FBXL13: variants seen among roughly 807,000 people sequenced by gnomAD.
FBXL13 encodes F-box and leucine-rich repeat protein 13.
Under a neutral mutation model 83.6 loss-of-function variants are expected in FBXL13, and 67 were observed. That is an observed-to-expected ratio of 0.80 (90% CI 0.66 to 0.98). The LOEUF (loss-of-function observed/expected upper bound fraction) is 0.98. FBXL13 is among the 50% of genes least tolerant of loss of function. The probability of loss-of-function intolerance (pLI) is 0.00; values close to 1 mark genes in which losing one functional copy is unlikely to be tolerated. For missense variants in FBXL13, 822 were observed against 866.5 expected, an observed-to-expected ratio of 0.95 and a Z score of 0.64; for synonymous variants, 272 against 299.5, an observed-to-expected ratio of 0.91 and a Z score of 0.95.
intron 19 of FBXL13, among the ~76,000 whole-genome samples, chr7:102,818,214 G>A (rs1798269074): frequency 1.3e-5 from 2 of 152,196 alleles, no homozygotes; most frequent in Admixed American, 1.3e-4. Context: ...CAGAGCACGT[G>A]TCTACCCTTA....
intron 8 of FBXL13, among the ~76,000 whole-genome samples, chr7:102,947,976 T>G (rs551831299): frequency 6.6e-6 from 1 of 152,164 alleles, no homozygotes; most frequent in African/African-American, 2.4e-5. Context: ...CTGGAGCCTA[T>G]GCCCTGGATC....
At chr7:102,973,867 C>A in intron 6 of FBXL13, 1 of 693,972 alleles carries the variant, frequency 1.4e-6, no homozygotes, top group African/African-American at 1.8e-5. Flanking sequence ...AAGAAGGCTC[C>A]GACGTGTGCC....
chr7:102,915,843 T>C (rs1319907695), intron 10 of FBXL13, among the ~76,000 whole-genome samples: 1 of 152,202 alleles, frequency 6.6e-6, no homozygotes, highest in African/African-American at 2.4e-5. Flanking sequence ...CAGTGATATT[T>C]TGAAATACTT....
At position 102,829,535 on chromosome 7, in the gene FBXL13, C is replaced by T. The variant is rs149107667; in HGVS notation, c.1854+3305G>A. On this transcript the variant is annotated intron_variant, in intron 18 of 19. Coordinates refer to ENST00000313221, the Ensembl canonical transcript of FBXL13. ...CTAATCATTACTAACTCCCACTTCA[C>T]GTCGGTCATGAGGGTCAAAAGTGAC... Among the ~76,000 whole-genome samples, 654 of 152,288 alleles carry T rather than the reference C, an allele frequency of 4.3e-3. 6 individuals carry two copies. The highest frequency in any genetic ancestry group is 0.015 in the African/African-American group (626 of 41,576).
intron 11 of FBXL13, among the ~76,000 whole-genome samples, chr7:102,905,614 A>G (rs1813632560): frequency 6.6e-6 from 1 of 152,110 alleles, no homozygotes; most frequent in Non-Finnish European, 1.5e-5. Context: ...TACATTCAAT[A>G]TTATTATTGA....
intron 14 of FBXL13, among the ~76,000 whole-genome samples, 197 bp from the exon 16 acceptor site, chr7:102,878,647 GGGA>G (rs1472675198): frequency 6.6e-6 from 1 of 151,726 alleles, no homozygotes; most frequent in Non-Finnish European, 1.5e-5. Flanking sequence ...TGAGAGGAAT[GGGA>G]GAAGTATTAA....
chr7:102,820,669 A>G (rs1382634633), intron 19 of FBXL13, among the ~76,000 whole-genome samples: 3 of 152,202 alleles, frequency 2.0e-5, no homozygotes, highest in Non-Finnish European at 4.4e-5. Flanking sequence ...AAAGAAATTT[A>G]TTGCTCATAG....
chr7:103,025,037 A>G, intron 6 of FBXL13, 26 bp downstream of exon 7: 1 of 1,574,012 alleles, frequency 6.4e-7, no homozygotes. Flanking sequence ...ATTATAGTAT[A>G]TAATGTATAC....
At chr7:102,910,653 T>C (rs1486319835) in intron 11 of FBXL13, among the ~76,000 whole-genome samples, 1 of 152,134 alleles carries the variant, frequency 6.6e-6, no homozygotes, top group Non-Finnish European at 1.5e-5. Flanking sequence ...GAGGTCTCTG[T>C]CCTGTTAGTA....
At chr7:102,970,350 A>T (rs12671803) in intron 6 of FBXL13, among the ~76,000 whole-genome samples, 31,734 of 151,906 alleles carry the variant, frequency 0.21, 3,564 homozygotes, top group East Asian at 0.42. Context: ...ATTTTTTTTA[A>T]AAAAATGAAT....
At chr7:103,036,220 A>G (rs138613403) in intron 2 of FBXL13, among the ~76,000 whole-genome samples, 1,672 of 152,252 alleles carry the variant, frequency 0.011, 35 homozygotes, top group African/African-American at 0.039. Flanking sequence ...TTTCTTCCAC[A>G]AAACCAGTCT....
chr7:103,056,489 G>C (rs948186441), intron 1 of FBXL13, among the ~76,000 whole-genome samples: 2 of 151,894 alleles, frequency 1.3e-5, no homozygotes, highest in African/African-American at 2.4e-5. Context: ...GCAGAGTCTT[G>C]CTCTTGTCGC....
intron 6 of FBXL13, among the ~76,000 whole-genome samples, chr7:103,001,496 A>C (rs1790399112): frequency 6.6e-6 from 1 of 152,130 alleles, no homozygotes; most frequent in Non-Finnish European, 1.5e-5. Flanking sequence ...CTGGTAAAGT[A>C]TTGTTTCTAA....
intron 11 of FBXL13, among the ~76,000 whole-genome samples, chr7:102,898,194 G>A (rs183512690): frequency 6.6e-6 from 1 of 151,904 alleles, no homozygotes; most frequent in Admixed American, 6.6e-5. Flanking sequence ...ATATATATGT[G>A]TATATATACA....
chr7:102,946,442 G>C (rs1822505574), intron 8 of FBXL13, among the ~76,000 whole-genome samples: 1 of 152,158 alleles, frequency 6.6e-6, no homozygotes, highest in South Asian at 2.1e-4. Context: ...TGGCTGTCTG[G>C]CACCAGAACT....
intron 11 of FBXL13, among the ~76,000 whole-genome samples, chr7:102,910,232 GCT>G (rs1814423225): frequency 1.3e-5 from 2 of 152,092 alleles, no homozygotes; most frequent in Non-Finnish European, 2.9e-5. Context: ...ACCCAGAGAG[GCT>G]CTCTGCACCA....
At chr7:103,042,140 T>C (rs1045700444) in intron 2 of FBXL13, among the ~76,000 whole-genome samples, 3 of 152,106 alleles carry the variant, frequency 2.0e-5, no homozygotes, top group Non-Finnish European at 2.9e-5. Flanking sequence ...GGATACAAAA[T>C]CAATGTGCAA....
At chr7:102,819,573 G>A (rs1328179073) in intron 19 of FBXL13, among the ~76,000 whole-genome samples, 1 of 152,156 alleles carries the variant, frequency 6.6e-6, no homozygotes, top group Non-Finnish European at 1.5e-5. Flanking sequence ...AGCCTCTTCT[G>A]ACGGCTGTAA....
At chr7:102,905,490 T>C (rs758563766) in intron 11 of FBXL13, among the ~76,000 whole-genome samples, 4 of 152,194 alleles carry the variant, frequency 2.6e-5, no homozygotes, top group Non-Finnish European at 5.9e-5. Flanking sequence ...TTATTTTCAG[T>C]CCATGTGTGT....
Sources: allele counts gnomAD v4.1 joint callset (sites outside exome capture counted in the v4.1 genomes callset), GRCh38; gene constraint gnomAD v4.1.1; transcripts MANE v1.5; gene names NCBI Gene and HGNC (gene_info 2026-07-23, HGNC 2026-07-21).